Variants in LYPD5 observed in about 807,000 individuals in gnomAD.
LYPD5 encodes LY6/PLAUR domain containing 5.
In LYPD5, 21 loss-of-function variants were observed where a neutral mutation model predicts 19.1. The ratio of observed to expected loss-of-function variants is 1.10; its 90% confidence interval spans 0.78 to 1.58. The LOEUF is 1.58. Among genes scored for constraint, LYPD5 ranks in the 40% most tolerant of loss-of-function variants. The probability of loss-of-function intolerance (pLI) is 0.00; values close to 1 mark genes in which losing one functional copy is unlikely to be tolerated. For missense variants in LYPD5, 287 were observed against 329.8 expected (o/e 0.87, Z 1.00); for synonymous variants, 128 against 142.7 (o/e 0.90, Z 0.74).
chr19:43,815,922 T>C (rs1166585279), intron 1 of LYPD5, among the ~76,000 whole-genome samples: 1 of 151,952 alleles, frequency 6.6e-6, no homozygotes, highest in Non-Finnish European at 1.5e-5. Context: ...TTAGTAGAGA[T>C]GGAGTTTCAC....
chr19:43,800,970 A>G (rs1970215468), intron 1 of LYPD5, among the ~76,000 whole-genome samples: 1 of 151,146 alleles, frequency 6.6e-6, no homozygotes, highest in Admixed American at 6.6e-5. Context: ...TCTCAAAAAA[A>G]AAAAAAAAAT....
At chr19:43,802,499 C>T (rs1390854864), upstream of LYPD5, 6 of 855,554 alleles carry the variant, frequency 7.0e-6, no homozygotes, top group Non-Finnish European at 1.9e-6. Flanking sequence ...TTCGTCCCAC[C>T]CTCCCTATGT....
At chr19:43,800,918 G>A (rs994956304) in intron 1 of LYPD5, among the ~76,000 whole-genome samples, 8 of 149,750 alleles carry the variant, frequency 5.3e-5, no homozygotes, top group African/African-American at 1.5e-4. Context: ...CTGTGATCGC[G>A]CCACTGCACT....
At chr19:43,810,536 CTCCCCTCCCCTCCCCTCCCT>C (rs1970311714) in intron 1 of LYPD5, among the ~76,000 whole-genome samples, 1 of 58,708 alleles carries the variant, frequency 1.7e-5, no homozygotes. Context: ...CTTCCGTTCC[CTCCCCTCCCCTCCCCTCCCT>C]TCCCCTCCCC....
chr19:43,815,986 G>A (rs1480585276), intron 1 of LYPD5, among the ~76,000 whole-genome samples: 2 of 151,952 alleles, frequency 1.3e-5, no homozygotes, highest in Admixed American at 1.3e-4. Context: ...CACCCGCCTT[G>A]GCCTCCCAAA....
Position 43,798,994 on chromosome 19 carries a change from G to A in LYPD5, c.194-6C>T, listed in dbSNP as rs1970180856. On this transcript the variant is annotated splice_polypyrimidine_tract_variant and splice_region_variant and intron_variant, in intron 2 of 4. Transcript: ENST00000377950. ...GGTCACCGGCGCGCGATACCCTGGG[G>A]GCGGGATCGGGGCTCGTGCTCTGCT... 1.3e-6 allele frequency: 2 copies of A among 1,559,226 alleles called. No individual in the cohort carries two copies. The highest frequency in any genetic ancestry group is 1.7e-6 in the Non-Finnish European group (2 of 1,151,720).
At chr19:43,819,747 C>G (rs1970403987) in intron 1 of LYPD5, among the ~76,000 whole-genome samples, 1 of 152,096 alleles carries the variant, frequency 6.6e-6, no homozygotes, top group Admixed American at 6.5e-5. Context: ...CCGAATCTGC[C>G]AACACCAGAG....
intron 1 of LYPD5, among the ~76,000 whole-genome samples, chr19:43,816,076 A>ACC (rs1485018582): frequency 1.1e-4 from 16 of 147,468 alleles, no homozygotes; most frequent in South Asian, 4.3e-4. Context: ...CTATCTATCT[A>ACC]TCTACCTATC....
intron 4 of LYPD5, 117 bp downstream of exon 4, chr19:43,798,338 C>T (rs1970165933): frequency 3.0e-6 from 4 of 1,313,590 alleles, no homozygotes; most frequent in Admixed American, 3.6e-5. Context: ...AGGGTCATGC[C>T]TCCCACCTCA....
chr19:43,816,032 CTCTATCTATCTATCTATCTATCTA>C (rs111461643), intron 1 of LYPD5, among the ~76,000 whole-genome samples: 6 of 147,748 alleles, frequency 4.1e-5, no homozygotes, highest in African/African-American at 1.3e-4. Flanking sequence ...CCACGCCCCA[CTCTATCTATCTATCTATCTATCTA>C]TCTATCTATC....
intron 1 of LYPD5, among the ~76,000 whole-genome samples, chr19:43,816,097 C>A (rs1429325070): frequency 1.3e-5 from 2 of 151,070 alleles, no homozygotes; most frequent in Non-Finnish European, 2.9e-5. Context: ...ATGTATCTAT[C>A]ACTTTCAAAT....
chr19:43,797,458 G>T lies in LYPD5; in HGVS notation c.*133C>A. On this transcript the variant is annotated 3_prime_UTR_variant, in exon 5 of 5. Transcript: ENST00000377950. ...GCCAGGTTGTGGGGCACAAGGGCGG[G>T]AGAGATGGAAGGCCAGAGGGACAGG... 1.3e-6 allele frequency: 1 copy of T among 771,470 alleles called. No homozygotes were observed. The highest frequency in any genetic ancestry group is 2.1e-6 in the Non-Finnish European group (1 of 472,140). The allele number at this position is 771,470 out of a possible 1,614,324, so 47.8% of individuals were successfully genotyped here.
chr19:43,798,377 T>C (rs1970166552), intron 4 of LYPD5, 78 bp downstream of exon 4: 3 of 1,537,306 alleles, frequency 2.0e-6, no homozygotes, highest in South Asian at 2.3e-5. Flanking sequence ...CTGTTGGGCC[T>C]GTCTGGTATC....
At chr19:43,812,017 G>A (rs1346667678) in intron 1 of LYPD5, among the ~76,000 whole-genome samples, 2 of 152,070 alleles carry the variant, frequency 1.3e-5, no homozygotes, top group Non-Finnish European at 2.9e-5. Context: ...TCATGTGCTT[G>A]TGGTCAGCTG....
At chr19:43,813,612 C>G (rs919558925) in intron 1 of LYPD5, among the ~76,000 whole-genome samples, 2 of 152,184 alleles carry the variant, frequency 1.3e-5, no homozygotes, top group African/African-American at 2.4e-5. Context: ...GATGGACTGA[C>G]TTACTTTCAT....
upstream of LYPD5, among the ~76,000 whole-genome samples, chr19:43,802,635 T>C (rs1240972062): frequency 6.6e-6 from 1 of 152,002 alleles, no homozygotes; most frequent in Non-Finnish European, 1.5e-5. Context: ...GAATGATTGG[T>C]GTCTTGTTGG....
intron 1 of LYPD5, among the ~76,000 whole-genome samples, chr19:43,801,919 G>C (rs931069278): frequency 6.6e-6 from 1 of 152,176 alleles, no homozygotes; most frequent in Non-Finnish European, 1.5e-5. Context: ...GTGAAGCCAG[G>C]GTTTCTGCCA....
At chr19:43,799,982 C>A in intron 1 of LYPD5, 148 bp from the exon 2 acceptor site, 1 of 862,988 alleles carries the variant, frequency 1.2e-6, no homozygotes, top group Non-Finnish European at 1.7e-6. Context: ...GCTGCTATTG[C>A]AGCTGGTCAC....
intron 1 of LYPD5, among the ~76,000 whole-genome samples, chr19:43,815,163 T>G (rs1278357497): frequency 1.3e-5 from 2 of 152,150 alleles, no homozygotes; most frequent in African/African-American, 4.8e-5. Context: ...AGCTCTCACC[T>G]GCTTTGAAAC....
Sources: allele counts gnomAD v4.1 joint callset (sites outside exome capture counted in the v4.1 genomes callset), GRCh38; gene constraint gnomAD v4.1.1; transcripts MANE v1.5; gene names NCBI Gene and HGNC (gene_info 2026-07-23, HGNC 2026-07-21).